Variants in NFIB observed in about 807,000 individuals in gnomAD.
NFIB encodes nuclear factor 1 B-type.
In NFIB, 11 loss-of-function variants were observed where a neutral mutation model predicts 61.5. That is an observed-to-expected ratio of 0.18 (90% CI 0.11 to 0.30). The LOEUF is 0.30. NFIB is among the 10% of genes least tolerant of loss of function. NFIB has a pLI of 1.00. For synonymous variants in NFIB, 260 were observed against 216.5 expected (o/e 1.20, Z -1.76); for missense variants, 471 against 608.9 (o/e 0.77, Z 2.38).
chr9:14,508,553 C>T, the NFIB span, among the ~76,000 whole-genome samples: 2 of 152,200 alleles, frequency 1.3e-5, no homozygotes, highest in African/African-American at 4.8e-5. Context: ...AATTATATGA[C>T]ATAAAGTCCA....
intron 2 of NFIB, among the ~76,000 whole-genome samples, chr9:14,298,682 G>C (rs534093571): frequency 6.6e-6 from 1 of 152,218 alleles, no homozygotes; most frequent in East Asian, 1.9e-4. Flanking sequence ...GGGCGGGCTT[G>C]GGCCTTTTTG....
the NFIB span, among the ~76,000 whole-genome samples, chr9:14,457,100 T>C: frequency 6.6e-6 from 1 of 152,190 alleles, no homozygotes; most frequent in African/African-American, 2.4e-5. Context: ...GTGTACTGTA[T>C]GCTGCCATTG....
chr9:14,264,774 C>T (rs774107999), intron 2 of NFIB, among the ~76,000 whole-genome samples: 5 of 152,082 alleles, frequency 3.3e-5, no homozygotes, highest in African/African-American at 9.7e-5. Context: ...AATCAGAGAA[C>T]GTTAAAGCCA....
chr9:14,340,280 G>C (rs2132872120), intron 1 of NFIB, among the ~76,000 whole-genome samples: 1 of 152,296 alleles, frequency 6.6e-6, no homozygotes, highest in South Asian at 2.1e-4. Context: ...AATAATAGGA[G>C]TTCATTGCAT....
chr9:14,507,848 TCA>T, the NFIB span, among the ~76,000 whole-genome samples: 1 of 152,030 alleles, frequency 6.6e-6, no homozygotes, highest in Non-Finnish European at 1.5e-5. Context: ...TCAGCCTCCA[TCA>T]CACAGGCTGC....
chr9:14,322,505 G>A (rs1251643738), intron 1 of NFIB, among the ~76,000 whole-genome samples: 1 of 152,072 alleles, frequency 6.6e-6, no homozygotes, highest in East Asian at 1.9e-4. Flanking sequence ...ACCCAGCAGC[G>A]CACCCTTCCG....
chr9:14,134,596 A>G (rs1207788468), intron 6 of NFIB, among the ~76,000 whole-genome samples: 1 of 152,158 alleles, frequency 6.6e-6, no homozygotes, highest in Non-Finnish European at 1.5e-5. Context: ...TTATGTACTC[A>G]TTACAAAGTG....
the NFIB span, among the ~76,000 whole-genome samples, chr9:14,458,583 C>G: frequency 6.6e-3 from 1,000 of 152,240 alleles, 7 homozygotes; most frequent in Admixed American, 0.026. Flanking sequence ...AATTGTCCCT[C>G]TTTGCAGATG....
At chr9:14,402,737 T>A (rs2061754977), upstream of NFIB, among the ~76,000 whole-genome samples, 1 of 152,220 alleles carries the variant, frequency 6.6e-6, no homozygotes, top group South Asian at 2.1e-4. Flanking sequence ...TTTTGCTTTT[T>A]ATATACCATG....
chr9:14,447,963 A>T, the NFIB span, among the ~76,000 whole-genome samples: 5 of 152,272 alleles, frequency 3.3e-5, no homozygotes, highest in South Asian at 1.0e-3. Flanking sequence ...CCTACCCTGA[A>T]ATTGGAAGTC....
intron 2 of NFIB, among the ~76,000 whole-genome samples, chr9:14,286,260 C>T (rs1322064129): frequency 1.3e-5 from 2 of 152,222 alleles, no homozygotes; most frequent in Non-Finnish European, 2.9e-5. Context: ...TTCTTGCTTA[C>T]TCACTTTTGA....
intron 1 of NFIB, among the ~76,000 whole-genome samples, chr9:14,310,756 ACTTC>A (rs894461727): frequency 6.6e-6 from 1 of 152,158 alleles, no homozygotes; most frequent in Non-Finnish European, 1.5e-5. Flanking sequence ...CTCTTTTAAA[ACTTC>A]CTTTAGTTGA....
At chr9:14,130,387 A>G (rs2040263886) in intron 6 of NFIB, among the ~76,000 whole-genome samples, 1 of 152,226 alleles carries the variant, frequency 6.6e-6, no homozygotes, top group Non-Finnish European at 1.5e-5. Context: ...GAACTAGAAA[A>G]TGAGGCATTT....
At chr9:14,285,569 A>G (rs72700510) in intron 2 of NFIB, among the ~76,000 whole-genome samples, 2,723 of 152,334 alleles carry the variant, frequency 0.018, 34 homozygotes, top group Middle Eastern at 0.031. Context: ...CAGTTAAGAA[A>G]GAAGTCCAGC....
chr9:14,169,330 G>C (rs776901481), intron 3 of NFIB, among the ~76,000 whole-genome samples: 2 of 152,078 alleles, frequency 1.3e-5, no homozygotes, highest in Non-Finnish European at 2.9e-5. Context: ...CACTGCGCAA[G>C]GGGAAGATAT....
At chr9:14,526,326 A>G in the NFIB span, among the ~76,000 whole-genome samples, 1 of 152,234 alleles carries the variant, frequency 6.6e-6, no homozygotes, top group East Asian at 1.9e-4. Flanking sequence ...TGTTCCATTT[A>G]TAAAGCATGC....
chr9:14,171,382 C>G (rs1247665008), intron 3 of NFIB, among the ~76,000 whole-genome samples: 1 of 152,198 alleles, frequency 6.6e-6, no homozygotes, highest in East Asian at 1.9e-4. Flanking sequence ...AAGGGGTAGA[C>G]ATCTCTGACT....
chr9:14,091,787 A>T (rs183048579), intron 10 of NFIB, among the ~76,000 whole-genome samples: 1 of 152,020 alleles, frequency 6.6e-6, no homozygotes, highest in Non-Finnish European at 1.5e-5. Context: ...GAAAAGATAT[A>T]ATTACTTTGC....
chr9:14,306,714 G>C (rs955068836), intron 2 of NFIB, among the ~76,000 whole-genome samples: 1 of 152,140 alleles, frequency 6.6e-6, no homozygotes, highest in Non-Finnish European at 1.5e-5. Flanking sequence ...CTATGTCTTT[G>C]AAAAACAGTA....
Sources: allele counts gnomAD v4.1 joint callset (sites outside exome capture counted in the v4.1 genomes callset), GRCh38; gene constraint gnomAD v4.1.1; transcripts MANE v1.5; gene names NCBI Gene and HGNC (gene_info 2026-07-23, HGNC 2026-07-21).